Variants in MYO16 observed in about 807,000 individuals in gnomAD.
MYO16 encodes the protein myosin XVI, also known as unconventional myosin-XVI.
MYO16 carries 94 observed loss-of-function variants against 205.3 expected under a neutral mutation model. The ratio of observed to expected loss-of-function variants is 0.46; its 90% confidence interval spans 0.39 to 0.54. The LOEUF is 0.54. Ranked by LOEUF, MYO16 falls within the 20% of genes least tolerant of loss-of-function variation. The pLI is 0.00. For missense variants in MYO16, 2,315 were observed against 2,387.5 expected (o/e 0.97, Z 0.63); for synonymous variants, 988 against 954.0 (o/e 1.04, Z -0.66).
chr13:108,825,368 C>T (rs953045202), intron 9 of MYO16, among the ~76,000 whole-genome samples: 1 of 151,714 alleles, frequency 6.6e-6, no homozygotes, highest in African/African-American at 2.4e-5. Flanking sequence ...AGTAAATAAA[C>T]TAAGAATGGC....
intron 12 of MYO16, 40 bp downstream of exon 12, chr13:108,866,282 T>C: frequency 7.6e-7 from 1 of 1,313,372 alleles, no homozygotes; most frequent in East Asian, 2.4e-5. Flanking sequence ...TAATGTAGAG[T>C]AATACTTTCT....
intron 34 of MYO16, 123 bp from the exon 35 acceptor site, chr13:109,206,486 G>T: frequency 2.8e-6 from 2 of 708,082 alleles, no homozygotes; most frequent in Non-Finnish European, 4.8e-6. Context: ...TGGAGATTGA[G>T]GAAAGAGGCT....
chr13:108,884,903 G>A (rs1291672532), intron 13 of MYO16, among the ~76,000 whole-genome samples: 1 of 152,052 alleles, frequency 6.6e-6, no homozygotes, highest in Non-Finnish European at 1.5e-5. Context: ...ACACAAGGAT[G>A]AGAAAGGCAC....
intron 6 of MYO16, among the ~76,000 whole-genome samples, chr13:108,803,210 G>A (rs531557496): frequency 5.3e-5 from 8 of 152,264 alleles, no homozygotes; most frequent in Admixed American, 4.6e-4. Flanking sequence ...GTATTCATCT[G>A]TGGACATTTG....
rs140129740 is a variant in MYO16, at chr13:109,067,192, C to A, written c.3335+11597C>A. Among the ~76,000 whole-genome samples the A allele has an allele frequency of 3.9e-5, 6 of 152,260 alleles. No homozygotes were observed. In the East Asian group the frequency reaches 9.7e-4, roughly 25 times the overall value. On this transcript the variant is annotated intron_variant, in intron 27 of 34. Coordinates refer to ENST00000457511, the MANE Select transcript of MYO16 (RefSeq NM_001198950.3). ...CTCACTATCCTTCTCCTTATAATAACCATTTAGAGTAACTACTCTCATTAT... is the reference window on the plus strand; with the variant it reads ...CTCACTATCCTTCTCCTTATAATAAACATTTAGAGTAACTACTCTCATTAT...
intron 27 of MYO16, among the ~76,000 whole-genome samples, chr13:109,083,424 C>T (rs926601860): frequency 2.5e-5 from 3 of 121,690 alleles, no homozygotes; most frequent in Non-Finnish European, 3.3e-5. Context: ...AAAAAAGCTT[C>T]TGCAGTAGAG....
intron 3 of MYO16, among the ~76,000 whole-genome samples, chr13:108,716,401 C>T (rs1381480426): frequency 6.6e-6 from 1 of 152,130 alleles, no homozygotes; most frequent in East Asian, 1.9e-4. Context: ...TGTTGTTATG[C>T]AAAGGTTGTG....
At chr13:108,839,336 G>T (rs549745546) in intron 9 of MYO16, among the ~76,000 whole-genome samples, 76 of 152,156 alleles carry the variant, frequency 5.0e-4, no homozygotes, top group African/African-American at 1.7e-3. Flanking sequence ...CCACACTGGG[G>T]ACAAATATTC....
chr13:108,742,957 AG>A (rs978941329), intron 4 of MYO16, among the ~76,000 whole-genome samples: 11 of 152,338 alleles, frequency 7.2e-5, no homozygotes, highest in Non-Finnish European at 1.6e-4. Flanking sequence ...TTTAGATAAA[AG>A]GTTTCCATTT....
chr13:109,015,026 C>A (rs1002836457), intron 22 of MYO16, among the ~76,000 whole-genome samples: 1 of 152,232 alleles, frequency 6.6e-6, no homozygotes, highest in African/African-American at 2.4e-5. Flanking sequence ...CAGAGGGCAT[C>A]CCTGTCTCGT....
chr13:109,127,348 TGGCCTG>T lies in MYO16; in HGVS notation c.3854_3859del (p.Leu1285_Gly1286del), dbSNP rs1184721071. On this transcript the variant is annotated inframe_deletion, in exon 31 of 35. Coordinates refer to ENST00000457511, the MANE Select transcript of MYO16 (RefSeq NM_001198950.3). This position sits in a 1 kb window ranked among gnomAD's most constrained non-coding sequence, Gnocchi z 4.2. Reference sequence around the variant, plus strand: ...CCATGTCAGTCTGCGCGGCCGTGGATGGCCTGGGCCAGTGCCTCGTTGGCCCGTCCA... The same window carrying T: ...CCATGTCAGTCTGCGCGGCCGTGGATGGCCAGTGCCTCGTTGGCCCGTCCA... 1.2e-6 allele frequency: 2 copies of T among 1,612,844 alleles called. No homozygotes were observed. The highest frequency in any genetic ancestry group is 1.7e-6 in the Non-Finnish European group (2 of 1,179,054).
intron 2 of MYO16, among the ~76,000 whole-genome samples, chr13:108,673,458 A>G (rs1482559185): frequency 6.6e-6 from 1 of 151,500 alleles, no homozygotes. Flanking sequence ...CACACAAAGA[A>G]CTTGTAAGCA....
chr13:109,055,087 G>A lies in MYO16; in HGVS notation c.3090G>A (p.Leu1030=). ...KKGTSTFLQR[L]ERGDPVTIAS... The stretch of plus-strand genomic sequence containing the variant: ...GAACTTCTACATTTCTTCAAAGATT[G>A]GAACGAGGAGATCCAGTCACCATAG... The change falls in exon 26 of 35, where the codon TTG becomes TTA. Residue 1030 remains leucine (L), a synonymous_variant. Transcript: ENST00000457511. This position sits in a 1 kb window ranked among gnomAD's most constrained non-coding sequence, Gnocchi z 5.0. 1 of 1,586,376 alleles carries A rather than the reference G, an allele frequency of 6.3e-7. No individual in the cohort carries two copies. Among genetic ancestry groups the A allele is most frequent in the Non-Finnish European group, 8.5e-7 (1 of 1,169,782 alleles).
Position 109,137,910 on chromosome 13 carries a change from T to C in MYO16, c.4052-2354T>C, listed in dbSNP as rs140920577. Among the ~76,000 whole-genome samples, 811 of 152,312 alleles carry C rather than the reference T, an allele frequency of 5.3e-3. 3 individuals are homozygous for C. The highest frequency in any genetic ancestry group is 8.8e-3 in the Non-Finnish European group (598 of 68,032). Reference sequence around the variant, plus strand: ...GTTCTGTGACCCTCACCCTGGCCTGTTGGTTCTCATCTTCAAGGCCTGCAT... The same window carrying C: ...GTTCTGTGACCCTCACCCTGGCCTGCTGGTTCTCATCTTCAAGGCCTGCAT... On this transcript the variant is annotated intron_variant, in intron 31 of 34. Coordinates refer to ENST00000457511, the MANE Select transcript of MYO16 (RefSeq NM_001198950.3).
intron 7 of MYO16, among the ~76,000 whole-genome samples, chr13:108,818,395 A>G (rs1875756748): frequency 6.7e-6 from 1 of 149,944 alleles, no homozygotes; most frequent in African/African-American, 2.4e-5. Flanking sequence ...AAAAAAAAAT[A>G]ATAATAATAA....
intron 4 of MYO16, among the ~76,000 whole-genome samples, chr13:108,746,011 C>T (rs867336120): frequency 7.4e-5 from 11 of 149,586 alleles, no homozygotes; most frequent in African/African-American, 2.0e-4. Context: ...CACAGTGAAA[C>T]CCCATCTCTA....
At chr13:109,142,806 C>T (rs1179270614) in intron 32 of MYO16, among the ~76,000 whole-genome samples, 1 of 152,096 alleles carries the variant, frequency 6.6e-6, no homozygotes, top group Non-Finnish European at 1.5e-5. Flanking sequence ...TATTTGGACC[C>T]GAGAAGATTC....
At chr13:108,786,994 T>C (rs547903101) in intron 5 of MYO16, among the ~76,000 whole-genome samples, 2 of 152,326 alleles carry the variant, frequency 1.3e-5, no homozygotes, top group African/African-American at 4.8e-5. Context: ...GTTGGGAAGT[T>C]AATTATTTGG....
At chr13:108,538,571 G>A in the MYO16 span, among the ~76,000 whole-genome samples, 1 of 151,990 alleles carries the variant, frequency 6.6e-6, no homozygotes, top group Non-Finnish European at 1.5e-5. Flanking sequence ...GCTCTGAATG[G>A]AATGAAAGTC....
Sources: gnomAD v4.1 joint callset for allele counts (sites outside exome capture counted in the v4.1 genomes callset) on GRCh38, gnomAD v4.1.1 for gene constraint, Gnocchi (gnomAD v3.1) non-coding constraint, MANE v1.5 for transcripts, NCBI Gene and HGNC (gene_info 2026-07-23, HGNC 2026-07-21) for gene names.